The following CCDC146 variants were observed in gnomAD, a reference collection of about 807,000 sequenced individuals.
CCDC146 encodes coiled-coil domain containing 146.
CCDC146 carries 92 observed loss-of-function variants against 119.3 expected under a neutral mutation model. The observed-to-expected ratio is 0.77, with a 90% CI of 0.65 to 0.92. The LOEUF is 0.92. Among genes scored for constraint, CCDC146 ranks in the 40% least tolerant of loss-of-function variants. CCDC146 has a pLI of 0.00. For missense variants in CCDC146, 1,000 were observed against 1,103.0 expected, an observed-to-expected ratio of 0.91 and a Z score of 1.32; for synonymous variants, 372 against 371.8, an observed-to-expected ratio of 1.00 and a Z score of -0.01.
intron 1 of CCDC146, among the ~76,000 whole-genome samples, chr7:77,163,864 T>TC (rs1791301325): frequency 2.8e-5 from 4 of 145,018 alleles, no homozygotes; most frequent in South Asian, 4.4e-4. Flanking sequence ...TTTTTTCTTT[T>TC]TTTTTTTTTT....
rs191952530 is a variant in CCDC146, at chr7:77,201,248, C to T, written c.156+33424C>T. On this transcript the variant is annotated intron_variant, in intron 2 of 18. Coordinates refer to ENST00000285871, the MANE Select transcript of CCDC146 (RefSeq NM_020879.3). ...CATACAGGAATGATAGTCATGCAAA[C>T]TTGGAGCACTTGGCTGGGCGTGGTG... Among the ~76,000 whole-genome samples the T allele has an allele frequency of 5.0e-3, 763 of 152,130 alleles. 9 individuals are homozygous for T. Among genetic ancestry groups the T allele is most frequent in the Non-Finnish European group, 7.0e-3 (477 of 67,984 alleles).
intron 4 of CCDC146, among the ~76,000 whole-genome samples, chr7:77,245,254 A>G (rs952618719): frequency 3.3e-5 from 5 of 152,224 alleles, no homozygotes; most frequent in South Asian, 2.1e-4. Context: ...TTAAATTAAT[A>G]CATTGTAAAT....
At chr7:77,266,635 GAGA>G (rs1459889256) in intron 9 of CCDC146, among the ~76,000 whole-genome samples, 4 of 152,184 alleles carry the variant, frequency 2.6e-5, no homozygotes, top group African/African-American at 9.6e-5. Context: ...TATTCATATG[GAGA>G]AGATGACATC....
chr7:77,182,630 A>G (rs1242117199), intron 2 of CCDC146, among the ~76,000 whole-genome samples: 1 of 152,052 alleles, frequency 6.6e-6, no homozygotes, highest in Non-Finnish European at 1.5e-5. Flanking sequence ...AAACAAACAA[A>G]AAACTACAAA....
chr7:77,199,683 A>G lies in CCDC146; in HGVS notation c.156+31859A>G, dbSNP rs3093274. 12,699 of 1,614,100 alleles carry G rather than the reference A, an allele frequency of 7.9e-3. 780 individuals are homozygous for G. The African/African-American group carries it at 0.14, about 18-fold the overall frequency. On this transcript the variant is annotated intron_variant, in intron 2 of 18. Transcript: ENST00000285871. ...TGCTTTCTAGTCTCACTGGGCAGAC[A>G]TCCTTTGCTCTTTCATCTTTAATTT...
intron 1 of CCDC146, among the ~76,000 whole-genome samples, chr7:77,134,932 T>C (rs1322675873): frequency 6.6e-6 from 1 of 152,198 alleles, no homozygotes; most frequent in Admixed American, 6.5e-5. Flanking sequence ...CAACAATAAA[T>C]GCAGTATGAA....
intron 2 of CCDC146, among the ~76,000 whole-genome samples, chr7:77,168,511 GT>G (rs1791372127): frequency 6.6e-6 from 1 of 151,888 alleles, no homozygotes; most frequent in African/African-American, 2.4e-5. Flanking sequence ...GATAGTCATA[GT>G]AAAAAATAAG....
At chr7:77,185,024 C>T (rs1171982769) in intron 2 of CCDC146, among the ~76,000 whole-genome samples, 1 of 151,898 alleles carries the variant, frequency 6.6e-6, no homozygotes, top group Non-Finnish European at 1.5e-5. Context: ...CCAAGAATGT[C>T]AGGACCGCTG....
At chr7:77,147,118 C>CT (rs2117435228) in intron 1 of CCDC146, among the ~76,000 whole-genome samples, 1 of 152,260 alleles carries the variant, frequency 6.6e-6, no homozygotes, top group East Asian at 1.9e-4. Context: ...TCTTTTTACT[C>CT]TTTTTTCTCT....
At chr7:77,200,116 G>C (rs1310117343) in intron 2 of CCDC146, among the ~76,000 whole-genome samples, 2 of 152,210 alleles carry the variant, frequency 1.3e-5, no homozygotes, top group African/African-American at 4.8e-5. Flanking sequence ...ACTTACGCTT[G>C]AAGTAAATAA....
chr7:77,252,716 G>C lies in CCDC146; in HGVS notation c.450-1790G>C, dbSNP rs1324931612. On this transcript the variant is annotated intron_variant, in intron 4 of 18. Transcript: ENST00000285871. ...TACAGAATAAGAAAAGGAGAAGTTAGGCTTCAGCTAGACTATGCAATAAGA... is the reference window on the plus strand; with the variant it reads ...TACAGAATAAGAAAAGGAGAAGTTACGCTTCAGCTAGACTATGCAATAAGA... Among the ~76,000 whole-genome samples, 12 of 152,306 alleles carry C rather than the reference G, an allele frequency of 7.9e-5. No individual in the cohort carries two copies. The East Asian group carries it at 2.3e-3, about 29-fold the overall frequency.
chr7:77,142,559 C>T (rs1790951688), intron 1 of CCDC146, among the ~76,000 whole-genome samples: 1 of 151,680 alleles, frequency 6.6e-6, no homozygotes, highest in African/African-American at 2.4e-5. Flanking sequence ...TGCTTTCCCT[C>T]CCCCCTTCCC....
At position 77,254,591 on chromosome 7, in the gene CCDC146, T is replaced by C. The variant is rs187969659; in HGVS notation, c.507+28T>C. 73 of 1,208,360 alleles carry C rather than the reference T, an allele frequency of 6.0e-5. 1 individual carries two copies. In the African/African-American group the frequency reaches 9.2e-4, roughly 15 times the overall value. 74.9% of individuals were successfully genotyped at this position (1,208,360 alleles called of 1,614,324 possible). A position where few individuals can be genotyped will look rare whatever the true frequency, so the allele number is the denominator to read the frequency against. On this transcript the variant is annotated intron_variant, in intron 5 of 18. Coordinates refer to ENST00000285871, the MANE Select transcript of CCDC146 (RefSeq NM_020879.3). ...AAGTCTTAGATGATATAGAGTTTCTTAAATACAGCTGGATTCAATCATCCC... is the reference window on the plus strand; with the variant it reads ...AAGTCTTAGATGATATAGAGTTTCTCAAATACAGCTGGATTCAATCATCCC...
At chr7:77,284,696 T>C (rs1793818822) in intron 15 of CCDC146, among the ~76,000 whole-genome samples, 1 of 151,418 alleles carries the variant, frequency 6.6e-6, no homozygotes, top group South Asian at 2.1e-4. Flanking sequence ...GTAAATTCAC[T>C]TTTACCCAAG....
Position 77,289,115 on chromosome 7 carries a change from G to A in CCDC146, c.2415+1538G>A, listed in dbSNP as rs28520653. On this transcript the variant is annotated intron_variant, in intron 17 of 18. Transcript: ENST00000285871. ...CACACGTCTGCCACTGGACTGATGCGAAGGCTCAGTTAAGCTCATGCACTT... is the reference window on the plus strand; with the variant it reads ...CACACGTCTGCCACTGGACTGATGCAAAGGCTCAGTTAAGCTCATGCACTT... Among the ~76,000 whole-genome samples, 16 of 152,114 alleles carry A rather than the reference G, an allele frequency of 1.1e-4. No individual in the cohort carries two copies. In the East Asian group the frequency reaches 2.5e-3, roughly 24 times the overall value.
chr7:77,282,524 C>G, intron 14 of CCDC146, 33 bp from the exon 15 acceptor site: 2 of 1,484,104 alleles, frequency 1.3e-6, no homozygotes, highest in Non-Finnish European at 1.8e-6. Context: ...GTCTCAATGC[C>G]CACTTAGCCT....
chr7:77,198,144 G>A (rs1010068849), intron 2 of CCDC146: 10 of 985,232 alleles, frequency 1.0e-5, no homozygotes, highest in East Asian at 1.1e-4. Context: ...CCTTGGATTC[G>A]CAGTGTGCCA....
Position 77,279,094 on chromosome 7 carries a change from C to T in CCDC146, c.1687C>T (p.Gln563Ter), listed in dbSNP as rs1353942540. ...AATTCTGAGAAATAGTGCCGTTAGTCAAGAAAGGTAAGTGTTATAATAACT... is the reference window on the plus strand; with the variant it reads ...AATTCTGAGAAATAGTGCCGTTAGTTAAGAAAGGTAAGTGTTATAATAACT... ...LEILRNSAVSQERKLQNSMLK... is the reference protein window; with the variant it reads ...LEILRNSAVS Residue 563 changes from glutamine to a stop codon, truncating the protein, a stop_gained, in exon 13 of 19, where the codon CAA (glutamine) becomes TAA (stop). Coordinates refer to ENST00000285871, the MANE Select transcript of CCDC146 (RefSeq NM_020879.3). LOFTEE classifies it high-confidence loss of function. 1 of 1,610,026 alleles carries T rather than the reference C, an allele frequency of 6.2e-7. No individual in the cohort carries two copies. The highest frequency in any genetic ancestry group is 1.3e-5 in the African/African-American group (1 of 74,740).
chr7:77,212,937 C>T (rs1045900468), intron 2 of CCDC146, among the ~76,000 whole-genome samples: 3 of 146,888 alleles, frequency 2.0e-5, no homozygotes, highest in African/African-American at 7.6e-5. Context: ...AATGTTTTAT[C>T]CAGGTCACAT....
Sources: gnomAD v4.1 joint callset for allele counts (sites outside exome capture counted in the v4.1 genomes callset) on GRCh38, gnomAD v4.1.1 for gene constraint, MANE v1.5 for transcripts, NCBI Gene and HGNC (gene_info 2026-07-23, HGNC 2026-07-21) for gene names.